The following KCNC2 variants were observed in gnomAD, a reference collection of about 807,000 sequenced individuals.
The protein encoded by KCNC2 is potassium voltage-gated channel subfamily C member 2, also known as voltage-gated potassium channel KCNC2.
Under a neutral mutation model 44.5 loss-of-function variants are expected in KCNC2, and 21 were observed. The ratio of observed to expected loss-of-function variants is 0.47; its 90% CI spans 0.33 to 0.68. The LOEUF (loss-of-function observed/expected upper bound fraction) is 0.68, where lower values mean the gene tolerates loss of function less well. Ranked by LOEUF, KCNC2 falls within the 30% of genes least tolerant of loss-of-function variation. The pLI, the probability that KCNC2 is intolerant of heterozygous loss-of-function variation, is 0.01. For missense variants in KCNC2, 589 were observed against 826.2 expected (o/e 0.71, Z 3.52); for synonymous variants, 391 against 339.1 (o/e 1.15, Z -1.68).
chr12:75,134,777 A>G, intron 2 of KCNC2, among the ~76,000 whole-genome samples: 1 of 151,958 alleles, frequency 6.6e-6, no homozygotes, highest in Non-Finnish European at 1.5e-5. Context: ...ACTCTTAGAA[A>G]ACACTTTCAG....
rs147150125 is a variant in KCNC2, at chr12:75,170,507, A to G, written c.687+36790T>C. On this transcript the variant is annotated intron_variant, in intron 2 of 4. Coordinates refer to ENST00000549446, the MANE Select transcript of KCNC2 (RefSeq NM_139137.4). ...ACTCAATTTACAGATGAAAAACCTGAATACCTGAATGTATTCACTCAACTA... is the reference window on the plus strand; with the variant it reads ...ACTCAATTTACAGATGAAAAACCTGGATACCTGAATGTATTCACTCAACTA... 2.0e-5 allele frequency among the ~76,000 whole-genome samples: 3 copies of G among 151,900 alleles called. 1 individual carries two copies. The highest frequency in any genetic ancestry group is 7.2e-5 in the African/African-American group (3 of 41,512).
chr12:75,157,478 A>C (rs1890842346), intron 2 of KCNC2, among the ~76,000 whole-genome samples: 1 of 151,924 alleles, frequency 6.6e-6, no homozygotes, highest in African/African-American at 2.4e-5. Flanking sequence ...TCTTGTAACA[A>C]AATTCAATCT....
At chr12:75,047,857 A>C (rs1880701438) in intron 4 of KCNC2, among the ~76,000 whole-genome samples, 1 of 152,104 alleles carries the variant, frequency 6.6e-6, no homozygotes, top group African/African-American at 2.4e-5. Context: ...CATTATATTA[A>C]AGTAATTGGA....
At chr12:75,153,006 C>T (rs920894769) in intron 2 of KCNC2, among the ~76,000 whole-genome samples, 17 of 151,914 alleles carry the variant, frequency 1.1e-4, no homozygotes, top group Non-Finnish European at 7.4e-5. Flanking sequence ...CAAGGGGAGA[C>T]AGTGGGAAAA....
chr12:75,130,221 C>T (rs372823489), intron 2 of KCNC2, among the ~76,000 whole-genome samples: 5 of 152,098 alleles, frequency 3.3e-5, no homozygotes, highest in African/African-American at 4.8e-5. Context: ...TGCACACACA[C>T]GTACATATAC....
chr12:75,150,681 G>T (rs75037637), intron 2 of KCNC2, among the ~76,000 whole-genome samples: 1 of 151,730 alleles, frequency 6.6e-6, no homozygotes, highest in Non-Finnish European at 1.5e-5. Flanking sequence ...ATGAAATACA[G>T]TCTACAGAAA....
intron 2 of KCNC2, among the ~76,000 whole-genome samples, chr12:75,116,084 C>T (rs1887640052): frequency 6.6e-6 from 1 of 152,060 alleles, no homozygotes; most frequent in Non-Finnish European, 1.5e-5. Context: ...CAGCATAAAC[C>T]CATCTAATTT....
At chr12:75,099,593 G>T (rs769484960) in intron 2 of KCNC2, among the ~76,000 whole-genome samples, 1 of 152,120 alleles carries the variant, frequency 6.6e-6, no homozygotes, top group Non-Finnish European at 1.5e-5. Context: ...GTGTTTACAA[G>T]AATTCAATAC....
chr12:75,167,488 T>C (rs1395699223), intron 2 of KCNC2, among the ~76,000 whole-genome samples: 2 of 151,226 alleles, frequency 1.3e-5, no homozygotes, highest in Non-Finnish European at 3.0e-5. Flanking sequence ...ATAGATGTAA[T>C]GCATGAAAAG....
intron 2 of KCNC2, among the ~76,000 whole-genome samples, chr12:75,197,265 C>A (rs2030851625): frequency 6.6e-6 from 1 of 151,882 alleles, no homozygotes; most frequent in African/African-American, 2.4e-5. Flanking sequence ...TCCCAATTTC[C>A]ACCCTCCCTG....
chr12:75,188,583 C>A lies in KCNC2; in HGVS notation c.687+18714G>T, dbSNP rs185795868. On this transcript the variant is annotated intron_variant, in intron 2 of 4. Transcript: ENST00000549446. ...ATCCATAAAAAAATAACAAGGTGGC[C>A]GGGCGCGGTGGCTTACACCTGTAAT... Among the ~76,000 whole-genome samples the A allele has an allele frequency of 2.5e-3, 373 of 148,126 alleles. 1 individual carries two copies. The highest frequency in any genetic ancestry group is 9.2e-3 in the African/African-American group (346 of 37,676).
intron 2 of KCNC2, among the ~76,000 whole-genome samples, chr12:75,075,734 A>G (rs1412354499): frequency 6.6e-6 from 1 of 152,006 alleles, no homozygotes; most frequent in Admixed American, 6.5e-5. Context: ...CCTCCTCTAA[A>G]TAAAAGAAAC....
At chr12:75,086,529 G>A (rs1343353980) in intron 2 of KCNC2, among the ~76,000 whole-genome samples, 1 of 151,472 alleles carries the variant, frequency 6.6e-6, no homozygotes, top group Non-Finnish European at 1.5e-5. Flanking sequence ...TTTCTAATTT[G>A]TTCTCAACCT....
intron 2 of KCNC2, among the ~76,000 whole-genome samples, chr12:75,128,702 A>G (rs1298289075): frequency 5.9e-5 from 9 of 152,184 alleles, no homozygotes; most frequent in Admixed American, 5.9e-4. Flanking sequence ...CTGCCTGGTT[A>G]TGTTAGTCAA....
Position 75,110,850 on chromosome 12 carries a change from G to A in KCNC2, c.688-59533C>T, listed in dbSNP as rs139627361. On this transcript the variant is annotated intron_variant, in intron 2 of 4. Coordinates refer to ENST00000549446, the MANE Select transcript of KCNC2 (RefSeq NM_139137.4). The stretch of plus-strand genomic sequence containing the variant: ...CAAACAACTACCTAATTGTCCTAAC[G>A]CCTTGACACTAGGCTATGACCCCTC... Among the ~76,000 whole-genome samples the A allele has an allele frequency of 5.0e-3, 757 of 152,098 alleles. 7 individuals carry two copies. Among genetic ancestry groups the A allele is most frequent in the African/African-American group, 0.017 (701 of 41,524 alleles).
At chr12:75,131,369 C>T (rs1592935221) in intron 2 of KCNC2, among the ~76,000 whole-genome samples, 1 of 152,224 alleles carries the variant, frequency 6.6e-6, no homozygotes, top group African/African-American at 2.4e-5. Context: ...GTTGGATGAT[C>T]TTAAAACTAA....
intron 2 of KCNC2, chr12:75,124,060 G>A (rs560309157): frequency 2.0e-5 from 3 of 152,252 alleles, no homozygotes; most frequent in South Asian, 4.1e-4. Flanking sequence ...CATGAAACTT[G>A]ATCTTCTGTG....
chr12:75,064,843 A>C (rs1471709602), intron 2 of KCNC2, among the ~76,000 whole-genome samples: 1 of 152,062 alleles, frequency 6.6e-6, no homozygotes, highest in African/African-American at 2.4e-5. Context: ...TTGTGAATTT[A>C]ACTCAATTAA....
In KCNC2 at chr12:75,086,681, A is replaced by AATATATATATATATATAT. The variant is rs398044519; in HGVS notation, c.688-35382_688-35365dup. Among the ~76,000 whole-genome samples, 188 of 53,900 alleles carry AATATATATATATATATAT rather than the reference A, an allele frequency of 3.5e-3. 2 individuals carry two copies. The highest frequency in any genetic ancestry group is 0.02 in the Middle Eastern group (2 of 98). The allele number at this position is 53,900 out of a possible 152,430, so 35.4% of individuals were successfully genotyped here. A position where few individuals can be genotyped will look rare whatever the true frequency, so the allele number is the denominator to read the frequency against. ...TTGGCAAAAAAAAAAAAAAAAAAAA[A>AATATATATATATATATAT]ATATATATATATATATATACACACA... On this transcript the variant is annotated intron_variant, in intron 2 of 4. Coordinates refer to ENST00000549446, the MANE Select transcript of KCNC2 (RefSeq NM_139137.4).
Sources: gnomAD v4.1 joint callset for allele counts (sites outside exome capture counted in the v4.1 genomes callset) on GRCh38, gnomAD v4.1.1 for gene constraint, MANE v1.5 for transcripts, NCBI Gene and HGNC (gene_info 2026-07-23, HGNC 2026-07-21) for gene names.